Variants in SMARCA2 observed in about 807,000 individuals in gnomAD.
SMARCA2 encodes SWI/SNF related BAF chromatin remodeling complex subunit ATPase 2, also known as SWI/SNF-related matrix-associated actin-dependent regulator of chromatin subfamily A member 2.
In SMARCA2, 61 loss-of-function variants were observed where a neutral mutation model predicts 199.8. The ratio of observed to expected loss-of-function variants is 0.31; its 90% CI spans 0.25 to 0.38. The LOEUF (loss-of-function observed/expected upper bound fraction) is 0.38. Among genes scored for constraint, SMARCA2 ranks in the 10% least tolerant of loss-of-function variants. SMARCA2 has a pLI of 1.00. For missense variants in SMARCA2, 1,344 were observed against 2,012.2 expected, an observed-to-expected ratio of 0.67 and a Z score of 6.35; for synonymous variants, 935 against 732.0, an observed-to-expected ratio of 1.28 and a Z score of -4.48.
chr9:2,163,879 G>T (rs962853264), intron 28 of SMARCA2, among the ~76,000 whole-genome samples: 1 of 151,940 alleles, frequency 6.6e-6, no homozygotes, highest in Non-Finnish European at 1.5e-5. Flanking sequence ...CAACAGATTC[G>T]TTTGGTTTTA....
chr9:2,035,921 G>A (rs966839598), intron 3 of SMARCA2, among the ~76,000 whole-genome samples: 6 of 152,070 alleles, frequency 3.9e-5, no homozygotes, highest in Non-Finnish European at 5.9e-5. Flanking sequence ...GTAATAGCAC[G>A]TGTCTTTAAA....
intron 27 of SMARCA2, among the ~76,000 whole-genome samples, chr9:2,157,007 G>C (rs7025059): frequency 0.019 from 2,927 of 152,224 alleles, 81 homozygotes; most frequent in African/African-American, 0.065. Context: ...CAGGTTGCTT[G>C]TGGAGACAGT....
In SMARCA2 at chr9:2,181,494, G is replaced by A. The variant is rs544184878; in HGVS notation, c.4254-77G>A. ...GGAATATAATTTACTTTGTTGACATGTTCTGAAATAAAAATAAAACCTTTC... is the reference window on the plus strand; with the variant it reads ...GGAATATAATTTACTTTGTTGACATATTCTGAAATAAAAATAAAACCTTTC... On this transcript the variant is annotated intron_variant, in intron 29 of 33. Coordinates refer to ENST00000349721, the MANE Select transcript of SMARCA2 (RefSeq NM_003070.5). The A allele has an allele frequency of 4.1e-5, 32 of 783,184 alleles. No homozygotes were observed. In the African/African-American group the frequency reaches 5.2e-4, roughly 13 times the overall value. 48.5% of individuals were successfully genotyped at this position (783,184 alleles called of 1,614,324 possible).
rs763043275 is a variant in SMARCA2 at position 2,039,688 on chromosome 9, C to T, written c.578C>T (p.Ala193Val). The T allele has an allele frequency of 1.2e-6, 2 of 1,614,032 alleles. No individual in the cohort carries two copies. Among genetic ancestry groups the T allele is most frequent in the Non-Finnish European group, 1.7e-6 (2 of 1,180,046 alleles). ...RAQILAYKML[A>V]RGQPLPETLQ... ...CAGATTTTAGCTTATAAAATGCTGG[C>T]CCGAGGCCAGCCCCTCCCCGAAACG... The change falls in exon 4 of 34, where the codon GCC (alanine) becomes GTC (valine). Residue 193 changes from alanine to valine, a missense_variant. Ala to Val is a moderately conservative substitution (Grantham distance 64). This residue lies in a region of SMARCA2 where 24 missense variants were observed against 53.7 expected (regional missense o/e 0.45). Coordinates refer to ENST00000349721, the MANE Select transcript of SMARCA2 (RefSeq NM_003070.5). This position sits in a 1 kb window ranked among gnomAD's most constrained non-coding sequence, Gnocchi z 4.8.
chr9:2,072,740 G>A (rs1368455290), intron 10 of SMARCA2, among the ~76,000 whole-genome samples: 1 of 152,206 alleles, frequency 6.6e-6, no homozygotes, highest in Admixed American at 6.5e-5. Context: ...AGGATACTGG[G>A]CAACTCATCA....
At chr9:2,088,894 T>TTTTTTTTTTTTTA (rs1554624155) in intron 19 of SMARCA2, among the ~76,000 whole-genome samples, 34 of 151,482 alleles carry the variant, frequency 2.2e-4, no homozygotes, top group African/African-American at 7.3e-4. Flanking sequence ...TTTTTTTTTT[T>TTTTTTTTTTTTTA]AAATTACGGA....
At chr9:2,117,336 G>C (rs1473654677) in intron 25 of SMARCA2, among the ~76,000 whole-genome samples, 1 of 152,026 alleles carries the variant, frequency 6.6e-6, no homozygotes, top group South Asian at 2.1e-4. Flanking sequence ...GCTATCCACT[G>C]AGTTTCATGA....
At chr9:2,029,799 A>G (rs1303876184) in intron 2 of SMARCA2, among the ~76,000 whole-genome samples, 2 of 152,192 alleles carry the variant, frequency 1.3e-5, no homozygotes, top group African/African-American at 4.8e-5. Flanking sequence ...TTTTGGAAGA[A>G]GGTTCTGATT....
chr9:2,178,173 G>T (rs74588735), intron 29 of SMARCA2, among the ~76,000 whole-genome samples: 3,843 of 152,126 alleles, frequency 0.025, 79 homozygotes, highest in African/African-American at 0.055. Flanking sequence ...GCCACGTCGC[G>T]GTGTCTGTTC....
chr9:2,130,554 A>C (rs1304892943), intron 27 of SMARCA2, among the ~76,000 whole-genome samples: 3 of 152,214 alleles, frequency 2.0e-5, no homozygotes, highest in Non-Finnish European at 4.4e-5. Context: ...TCTTTTAGAA[A>C]GTGTGAAAGA....
At chr9:2,184,476 C>G (rs1486218757) in intron 31 of SMARCA2, among the ~76,000 whole-genome samples, 2 of 151,626 alleles carry the variant, frequency 1.3e-5, no homozygotes, top group Non-Finnish European at 2.9e-5. Context: ...CCTCACCCTC[C>G]CAAGTAGCTG....
At chr9:2,190,330 T>C (rs1253576345) in intron 32 of SMARCA2, among the ~76,000 whole-genome samples, 3 of 138,364 alleles carry the variant, frequency 2.2e-5, no homozygotes, top group Admixed American at 7.0e-5. Flanking sequence ...ACAGCAGCTT[T>C]GTTTATACTA....
chr9:2,073,754 C>G, intron 12 of SMARCA2, 131 bp downstream of exon 12: 3 of 675,038 alleles, frequency 4.4e-6, no homozygotes, highest in Non-Finnish European at 7.8e-6. Context: ...TGGGTGACAG[C>G]TGGGGCTAAG....
At chr9:2,083,964 T>G in intron 16 of SMARCA2, 122 bp from the exon 17 acceptor site, 4 of 622,400 alleles carry the variant, frequency 6.4e-6, no homozygotes, top group East Asian at 2.7e-5. Flanking sequence ...GATCAGTCTA[T>G]GAGAATGTGT....
intron 3 of SMARCA2, among the ~76,000 whole-genome samples, chr9:2,038,847 G>T (rs1563723560): frequency 6.6e-6 from 1 of 152,148 alleles, no homozygotes. Context: ...CAACATGTAG[G>T]CACTCAATAA....
rs774152416 is a variant in SMARCA2, at chr9:2,073,550, C to T, written c.1878-16C>T. 2.8e-5 allele frequency: 45 copies of T among 1,605,614 alleles called. No individual in the cohort carries two copies. In the African/African-American group the frequency reaches 4.8e-4, roughly 17 times the overall value. On this transcript the variant is annotated splice_polypyrimidine_tract_variant and intron_variant, in intron 11 of 33. Coordinates refer to ENST00000349721, the MANE Select transcript of SMARCA2 (RefSeq NM_003070.5). ...AAAAACTAAGCCCCCTCCTCTTCCTCACTCTTTTTCCTTAGTTATGAAGTT... is the reference window on the plus strand; with the variant it reads ...AAAAACTAAGCCCCCTCCTCTTCCTTACTCTTTTTCCTTAGTTATGAAGTT...
chr9:2,039,986 G>C lies in SMARCA2; in HGVS notation c.790+86G>C. ...TCACCAAAACACCGGGTTGTTAAAA[G>C]CCCGGGGCTGACGTAGCCTTTTGTT... On this transcript the variant is annotated intron_variant, in intron 4 of 33. Coordinates refer to ENST00000349721, the MANE Select transcript of SMARCA2 (RefSeq NM_003070.5). This position sits in a 1 kb window ranked among gnomAD's most constrained non-coding sequence, Gnocchi z 4.8. 1 of 1,563,510 alleles carries C rather than the reference G, an allele frequency of 6.4e-7. No homozygotes were observed. The highest frequency in any genetic ancestry group is 8.6e-7 in the Non-Finnish European group (1 of 1,157,966).
intron 27 of SMARCA2, among the ~76,000 whole-genome samples, chr9:2,143,360 G>A (rs900101127): frequency 6.6e-6 from 1 of 152,164 alleles, no homozygotes; most frequent in African/African-American, 2.4e-5. Flanking sequence ...AAAGAATCTG[G>A]GCTTTATTCT....
intron 32 of SMARCA2, among the ~76,000 whole-genome samples, chr9:2,187,012 A>T (rs965016413): frequency 5.3e-5 from 8 of 152,150 alleles, no homozygotes; most frequent in African/African-American, 1.9e-4. Context: ...TTTCTGGCAA[A>T]TTCCCAGGGG....
Sources: allele counts gnomAD v4.1 joint callset (sites outside exome capture counted in the v4.1 genomes callset), GRCh38; gene constraint gnomAD v4.1.1; regional missense constraint gnomAD v4.1.1; non-coding constraint Gnocchi (gnomAD v3.1); transcripts MANE v1.5; gene names NCBI Gene and HGNC (gene_info 2026-07-23, HGNC 2026-07-21).